The following RUNX1T1 variants were observed in gnomAD, a reference collection of about 807,000 sequenced individuals.
The protein encoded by RUNX1T1 is RUNX1 partner transcriptional co-repressor 1, also known as protein CBFA2T1.
RUNX1T1 carries 4 observed loss-of-function variants against 62.8 expected under a neutral mutation model. That is an observed-to-expected ratio of 0.06 (90% CI 0.03 to 0.15). The LOEUF (loss-of-function observed/expected upper bound fraction) is 0.15, where lower values mean the gene tolerates loss of function less well. Ranked by LOEUF, RUNX1T1 falls within the 10% of genes least tolerant of loss-of-function variation. The probability of loss-of-function intolerance (pLI) is 1.00; values close to 1 mark genes in which losing one functional copy is unlikely to be tolerated. For missense variants in RUNX1T1, 508 were observed against 754.3 expected (o/e 0.67, Z 3.82); for synonymous variants, 291 against 286.0 (o/e 1.02, Z -0.18).
chr8:92,046,409 C>T (rs1829413351), intron 1 of RUNX1T1, among the ~76,000 whole-genome samples: 1 of 152,148 alleles, frequency 6.6e-6, no homozygotes, highest in Non-Finnish European at 1.5e-5. Context: ...ACCCAGGCTA[C>T]ATAGAGCGCA....
chr8:92,065,914 T>C (rs1052548817), upstream of RUNX1T1, among the ~76,000 whole-genome samples: 7 of 152,178 alleles, frequency 4.6e-5, no homozygotes, highest in African/African-American at 1.7e-4. Context: ...TTGATCCTAA[T>C]TGAAAGCAAT....
intron 1 of RUNX1T1, among the ~76,000 whole-genome samples, chr8:92,045,062 C>CGTAG (rs1829152113): frequency 7.1e-6 from 1 of 140,746 alleles, no homozygotes; most frequent in East Asian, 2.0e-4. Flanking sequence ...GAGACACTGG[C>CGTAG]TCTACAAAAA....
chr8:92,100,570 C>T (rs1837988874), upstream of RUNX1T1, among the ~76,000 whole-genome samples: 1 of 152,114 alleles, frequency 6.6e-6, no homozygotes, highest in Non-Finnish European at 1.5e-5. Context: ...GAACACAGCA[C>T]AAGAAATAAT....
chr8:91,957,450 A>C (rs1033076281), downstream of RUNX1T1: 4 of 231,540 alleles, frequency 1.7e-5, no homozygotes, highest in Admixed American at 5.6e-5. Context: ...GAGGAAGAGG[A>C]GGAAGAGGGG....
chr8:92,044,762 C>A (rs1340270563), intron 1 of RUNX1T1, among the ~76,000 whole-genome samples: 1 of 152,122 alleles, frequency 6.6e-6, no homozygotes, highest in Non-Finnish European at 1.5e-5. Flanking sequence ...AATTCAGGCA[C>A]AAAAAGCAAG....
At chr8:91,973,895 T>G (rs1236224761) in intron 9 of RUNX1T1, among the ~76,000 whole-genome samples, 4 of 152,120 alleles carry the variant, frequency 2.6e-5, no homozygotes, top group Non-Finnish European at 5.9e-5. Flanking sequence ...CAAACTGTTT[T>G]TAAGCAGCAG....
intron 5 of RUNX1T1, among the ~76,000 whole-genome samples, chr8:92,001,872 T>C (rs1819822422): frequency 6.6e-6 from 1 of 152,196 alleles, no homozygotes; most frequent in African/African-American, 2.4e-5. Context: ...TTTTAATCCA[T>C]TCTGCAGTCT....
Position 91,974,431 on chromosome 8 carries a change from A to G in RUNX1T1, c.1267+1474T>C, listed in dbSNP as rs151147238. On this transcript the variant is annotated intron_variant, in intron 9 of 10. Coordinates refer to ENST00000396218, the Ensembl canonical transcript of RUNX1T1. ...CCTTACTGGTAATTTTTCTCTATGAACTATCAAGAATTTAACTTAAATATA... is the reference window on the plus strand; with the variant it reads ...CCTTACTGGTAATTTTTCTCTATGAGCTATCAAGAATTTAACTTAAATATA... Among the ~76,000 whole-genome samples, 11 of 152,268 alleles carry G rather than the reference A, an allele frequency of 7.2e-5. No homozygotes were observed. In the East Asian group the frequency reaches 2.1e-3, roughly 29 times the overall value.
At chr8:92,102,771 G>A (rs904792375), upstream of RUNX1T1, 11 of 1,329,262 alleles carry the variant, frequency 8.3e-6, no homozygotes, top group South Asian at 8.9e-5. The surrounding 1 kb of genome is among the most constrained non-coding windows in gnomAD (Gnocchi z 4.5). Flanking sequence ...AAACGAAGAT[G>A]ACGGTCATCG....
Position 91,959,424 on chromosome 8 carries a change from G to C in RUNX1T1, c.*818C>G, listed in dbSNP as rs893552999. The C allele has an allele frequency of 1.6e-3, 151 of 91,846 alleles. 5 individuals carry two copies. Among genetic ancestry groups the C allele is most frequent in the African/African-American group, 0.012 (143 of 11,862 alleles). The allele number at this position is 91,846 out of a possible 1,614,324, so 5.7% of individuals were successfully genotyped here. On this transcript the variant is annotated 3_prime_UTR_variant, in exon 11 of 11. Coordinates refer to ENST00000396218, the Ensembl canonical transcript of RUNX1T1. The stretch of plus-strand genomic sequence containing the variant: ...CTGAGTCTCTTACTTGTGTGTGTGT[G>C]TGTGTGTGTGTGTGTGTGTGTGTGT...
At chr8:92,014,686 T>C (rs1239004530) in exon 3 of RUNX1T1, 1 of 1,614,064 alleles carries the variant, frequency 6.2e-7, no homozygotes. Context: ...CTGAGTTGCC[T>C]GGCACCACAG....
At chr8:91,971,231 T>C (rs1005549547) in intron 9 of RUNX1T1, 4 of 159,520 alleles carry the variant, frequency 2.5e-5, no homozygotes, top group Non-Finnish European at 5.5e-5. Flanking sequence ...ATTATAATTT[T>C]TTTAACCAAA....
chr8:92,015,464 G>T (rs1358646234), intron 2 of RUNX1T1, among the ~76,000 whole-genome samples: 1 of 152,146 alleles, frequency 6.6e-6, no homozygotes, highest in Non-Finnish European at 1.5e-5. Flanking sequence ...ATCAAAAAGG[G>T]ACACCTAAAT....
chr8:91,958,665 G>C (rs532670848), downstream of RUNX1T1: 1 of 151,736 alleles, frequency 6.6e-6, no homozygotes, highest in African/African-American at 2.9e-5. Context: ...AAAATTCCAC[G>C]ACTACTCTAT....
At chr8:92,060,545 A>ATGTG (rs1317671685) in intron 1 of RUNX1T1, among the ~76,000 whole-genome samples, 2 of 103,746 alleles carry the variant, frequency 1.9e-5, no homozygotes, top group African/African-American at 3.6e-5. Context: ...ATATATATAT[A>ATGTG]TATATATATG....
At position 92,052,953 on chromosome 8, in the gene RUNX1T1, T is replaced by A. The variant is rs1432658897; in HGVS notation, c.7+9593A>T. On this transcript the variant is annotated intron_variant, in intron 1 of 10. Transcript: ENST00000396218. ...GCTAAACTGACCTTCCAAGAATTTTTATAATGCATGAATTAAGAGAAATGC... is the reference window on the plus strand; with the variant it reads ...GCTAAACTGACCTTCCAAGAATTTTAATAATGCATGAATTAAGAGAAATGC... 2.0e-5 allele frequency among the ~76,000 whole-genome samples: 3 copies of A among 152,318 alleles called. No individual in the cohort carries two copies. The East Asian group carries it at 5.8e-4, about 29-fold the overall frequency.
intron 5 of RUNX1T1, among the ~76,000 whole-genome samples, chr8:91,999,625 C>T (rs983042624): frequency 6.6e-6 from 1 of 152,138 alleles, no homozygotes; most frequent in African/African-American, 2.4e-5. Flanking sequence ...TGACTTCACA[C>T]ACATTATTTG....
chr8:92,102,743 C>T (rs1838096705), upstream of RUNX1T1: 1 of 1,123,556 alleles, frequency 8.9e-7, no homozygotes, highest in Non-Finnish European at 1.2e-6. The surrounding 1 kb of genome is among the most constrained non-coding windows in gnomAD (Gnocchi z 4.5). Context: ...AGCCTGGAGC[C>T]TCGCGGTCGA....
rs765711948 is a variant in RUNX1T1, at chr8:91,986,136, G to C, written c.1186C>G (p.Pro396Ala). The change falls in exon 8 of 11, where the codon CCA becomes GCA. Residue 396 changes from proline (P) to alanine (A), a missense_variant. By Grantham distance (27) the Pro-to-Ala change is conservative. Coordinates refer to ENST00000396218, the Ensembl canonical transcript of RUNX1T1. Reference sequence around the variant, plus strand: ...GAAGAAAAGTTACCTAGTGCAACTGGGTCTGGGTTGACGGGACTCTGCTGC... The same window carrying C: ...GAAGAAAAGTTACCTAGTGCAACTGCGTCTGGGTTGACGGGACTCTGCTGC... 5.0e-6 allele frequency: 8 copies of C among 1,613,524 alleles called. No individual in the cohort carries two copies. In the Admixed American group the frequency reaches 1.2e-4, roughly 24 times the overall value.
Sources: allele counts gnomAD v4.1 joint callset (sites outside exome capture counted in the v4.1 genomes callset), GRCh38; gene constraint gnomAD v4.1.1; non-coding constraint Gnocchi (gnomAD v3.1); transcripts MANE v1.5; gene names NCBI Gene and HGNC (gene_info 2026-07-23, HGNC 2026-07-21).